The following SLCO1B1 variants were observed in gnomAD, a reference collection of about 807,000 sequenced individuals.
The protein encoded by SLCO1B1 is OATP-2.
A neutral mutation model predicts 70.1 loss-of-function variants in SLCO1B1; 81 were observed. The observed-to-expected ratio is 1.16, with a 90% CI of 0.97 to 1.39. SLCO1B1 has a LOEUF of 1.39. Among genes scored for constraint, SLCO1B1 ranks in the 40% most tolerant of loss-of-function variants. The probability of loss-of-function intolerance (pLI) is 0.00; values close to 1 mark genes in which losing one functional copy is unlikely to be tolerated. For missense variants in SLCO1B1, 895 were observed against 799.6 expected, an observed-to-expected ratio of 1.12 and a Z score of -1.44; for synonymous variants, 283 against 271.5, an observed-to-expected ratio of 1.04 and a Z score of -0.42.
rs1941432295 is a variant in SLCO1B1 at position 21,222,366 on chromosome 12, T to G, written c.1747+2T>G. 1 of 626,526 alleles carries G rather than the reference T, an allele frequency of 1.6e-6. No individual in the cohort carries two copies. Among genetic ancestry groups the G allele is most frequent in the Non-Finnish European group, 2.2e-6 (1 of 461,224 alleles). The allele number at this position is 626,526 out of a possible 1,614,324, so 38.8% of individuals were successfully genotyped here. ...ACTCAATGGTTATACGAGCACTAGG[T>G]ATGATGAAAAAAAAAAAAAAAAAAA... On this transcript the variant is annotated splice_donor_variant, in intron 13 of 14. Transcript: ENST00000256958. LOFTEE classifies it high-confidence loss of function.
chr12:21,155,268 C>T (rs969556766), intron 2 of SLCO1B1, among the ~76,000 whole-genome samples: 5 of 151,746 alleles, frequency 3.3e-5, no homozygotes, highest in East Asian at 1.9e-4. Flanking sequence ...CCTATATATG[C>T]TTTCAATGTT....
At chr12:21,206,829 A>T (rs546495076) in intron 11 of SLCO1B1, among the ~76,000 whole-genome samples, 8 of 152,072 alleles carry the variant, frequency 5.3e-5, no homozygotes, top group Non-Finnish European at 7.4e-5. Context: ...TATTACCAAC[A>T]TTACTAAAAC....
rs1940798292 is a variant in SLCO1B1 at position 21,174,715 on chromosome 12, T to C, written c.359+6T>C. ...CCACATTTCTTCATGGGATAGTAAG[T>C]GTTAAAAAAAAAAAAAACCTCTGTG... On this transcript the variant is annotated splice_donor_region_variant and intron_variant, in intron 4 of 14. Coordinates refer to ENST00000256958, the MANE Select transcript of SLCO1B1 (RefSeq NM_006446.5). The C allele has an allele frequency of 2.6e-6, 4 of 1,566,984 alleles. No individual in the cohort carries two copies. Among genetic ancestry groups the C allele is most frequent in the Non-Finnish European group, 2.6e-6 (3 of 1,159,662 alleles).
Position 21,137,519 on chromosome 12 carries a change from A to G in SLCO1B1, c.-61-3995A>G, listed in dbSNP as rs191498111. Among the ~76,000 whole-genome samples, 477 of 151,820 alleles carry G rather than the reference A, an allele frequency of 3.1e-3. 3 individuals carry two copies. Among genetic ancestry groups the G allele is most frequent in the African/African-American group, 0.011 (455 of 41,460 alleles). On this transcript the variant is annotated intron_variant, in intron 1 of 14. Transcript: ENST00000256958. ...CCAGCCGCTTTGTTTACCTAATCAA[A>G]CAACTAACTCAGCAATGGTGGCCGC...
Position 21,238,969 on chromosome 12 carries a change from A to C in SLCO1B1, c.1866-10A>C. On this transcript the variant is annotated splice_polypyrimidine_tract_variant and intron_variant, in intron 14 of 14. Transcript: ENST00000256958. ...ACTGATTTATTGTTTTATTTTCTCT[A>C]TTTCTACAGAAGGGTCTACTTGGGC... is the stretch of plus-strand genomic sequence containing the variant. The C allele has an allele frequency of 6.7e-7, 1 of 1,494,528 alleles. No individual in the cohort carries two copies. The highest frequency in any genetic ancestry group is 9.3e-7 in the Non-Finnish European group (1 of 1,077,598). The allele number at this position is 1,494,528 out of a possible 1,614,324, so 92.6% of individuals were successfully genotyped here.
rs1380476491 is a variant in SLCO1B1, at chr12:21,209,125, G to A, written c.1497+3092G>A. 2.0e-5 allele frequency among the ~76,000 whole-genome samples: 3 copies of A among 151,728 alleles called. No homozygotes were observed. The East Asian group carries it at 5.8e-4, about 29-fold the overall frequency. On this transcript the variant is annotated intron_variant, in intron 11 of 14. Transcript: ENST00000256958. ...CACATTGTGCAGGTTAGTTACATAT[G>A]TATACATGTGCCATGCTGGTGCACT...
chr12:21,226,178 G>C (rs1941480498), intron 14 of SLCO1B1, among the ~76,000 whole-genome samples: 1 of 152,090 alleles, frequency 6.6e-6, no homozygotes. Context: ...ACTTTGGGAG[G>C]CCAAGGTGGG....
At chr12:21,142,070 TA>T (rs4149093) in intron 2 of SLCO1B1, among the ~76,000 whole-genome samples, 79 of 147,536 alleles carry the variant, frequency 5.4e-4, no homozygotes, top group African/African-American at 1.4e-3. Context: ...AAAATTCTTT[TA>T]AAAAAAAAAA....
chr12:21,217,193 C>A lies in SLCO1B1; in HGVS notation c.1572C>A (p.Cys524Ter). The A allele has an allele frequency of 6.2e-7, 1 of 1,613,636 alleles. No individual in the cohort carries two copies. Among genetic ancestry groups the A allele is most frequent in the South Asian group, 1.1e-5 (1 of 91,076 alleles). ...NRNYSAHLGE[C>*]PRDDACTRKF... ...ATTACTCAGCCCATTTGGGTGAATG[C>A]CCAAGAGATGATGCTTGTACAAGGA... Residue 524 changes from cysteine (C) to a stop codon, truncating the protein, a stop_gained, in exon 12 of 15, where the codon TGC becomes TGA. Coordinates refer to ENST00000256958, the MANE Select transcript of SLCO1B1 (RefSeq NM_006446.5). LOFTEE classifies it high-confidence loss of function.
At chr12:21,194,367 G>A (rs1238714248) in intron 7 of SLCO1B1, among the ~76,000 whole-genome samples, 1 of 151,982 alleles carries the variant, frequency 6.6e-6, no homozygotes, top group African/African-American at 2.4e-5. Flanking sequence ...TGATTTTAGA[G>A]CCACACTTCC....
At chr12:21,179,861 A>T (rs1212155678) in intron 7 of SLCO1B1, among the ~76,000 whole-genome samples, 1 of 151,922 alleles carries the variant, frequency 6.6e-6, no homozygotes, top group African/African-American at 2.4e-5. Flanking sequence ...AGTTTTTTAT[A>T]CCCCCACACA....
Position 21,178,560 on chromosome 12 carries a change from T to C in SLCO1B1, c.482-16T>C. The C allele has an allele frequency of 6.4e-7, 1 of 1,565,548 alleles. No individual in the cohort carries two copies. Among genetic ancestry groups the C allele is most frequent in the Non-Finnish European group, 8.8e-7 (1 of 1,138,112 alleles). ...AAAATTAATGTTTAAAATGAAACACTCTCTTATCTACATAGGTTGTTTAAA... is the reference window on the plus strand; with the variant it reads ...AAAATTAATGTTTAAAATGAAACACCCTCTTATCTACATAGGTTGTTTAAA... On this transcript the variant is annotated splice_polypyrimidine_tract_variant and intron_variant, in intron 5 of 14. Coordinates refer to ENST00000256958, the MANE Select transcript of SLCO1B1 (RefSeq NM_006446.5).
chr12:21,227,824 A>C (rs1297760903), intron 14 of SLCO1B1, among the ~76,000 whole-genome samples: 1 of 152,106 alleles, frequency 6.6e-6, no homozygotes, highest in Non-Finnish European at 1.5e-5. Context: ...TTTAAGCCAT[A>C]CTAGTTCCTT....
At chr12:21,213,305 A>G (rs1326260408) in intron 11 of SLCO1B1, among the ~76,000 whole-genome samples, 4 of 151,714 alleles carry the variant, frequency 2.6e-5, no homozygotes, top group African/African-American at 9.7e-5. Flanking sequence ...AAAGTATTTT[A>G]TTTCTCCTTC....
Position 21,213,425 on chromosome 12 carries a change from G to A in SLCO1B1, c.1498-3694G>A, listed in dbSNP as rs867179228. Among the ~76,000 whole-genome samples the A allele has an allele frequency of 2.7e-3, 412 of 151,444 alleles. 1 individual carries two copies. The highest frequency in any genetic ancestry group is 9.0e-3 in the African/African-American group (369 of 41,184). Reference sequence around the variant, plus strand: ...TCTTCTGGCTTATAGGGTTTCTGCCGAGAGATCCGCTGTTAGTCTGATGGG... The same window carrying A: ...TCTTCTGGCTTATAGGGTTTCTGCCAAGAGATCCGCTGTTAGTCTGATGGG... On this transcript the variant is annotated intron_variant, in intron 11 of 14. Transcript: ENST00000256958.
At chr12:21,150,933 G>C (rs367606529) in intron 2 of SLCO1B1, among the ~76,000 whole-genome samples, 1 of 152,106 alleles carries the variant, frequency 6.6e-6, no homozygotes, top group African/African-American at 2.4e-5. Flanking sequence ...GATCATTTGC[G>C]TTAAAAGTGA....
At chr12:21,222,397 A>AATATATATATATAT (rs751514211) in intron 13 of SLCO1B1, 33 bp downstream of exon 13, 92 of 97,708 alleles carry the variant, frequency 9.4e-4, no homozygotes, top group Non-Finnish European at 1.3e-3. Flanking sequence ...AAAAAAAAAA[A>AATATATATATATAT]ATATATATAT....
chr12:21,199,999 C>T (rs948833864), intron 8 of SLCO1B1, among the ~76,000 whole-genome samples: 6 of 152,074 alleles, frequency 3.9e-5, no homozygotes, highest in African/African-American at 1.2e-4. Flanking sequence ...TGGGGTTTCA[C>T]CATGTTGGCC....
At chr12:21,213,129 C>T (rs1025378760) in intron 11 of SLCO1B1, among the ~76,000 whole-genome samples, 18 of 151,740 alleles carry the variant, frequency 1.2e-4, no homozygotes, top group African/African-American at 4.4e-4. Flanking sequence ...GGTTATTTTG[C>T]TCTTTAGTTG....
Sources: allele counts gnomAD v4.1 joint callset (sites outside exome capture counted in the v4.1 genomes callset), GRCh38; gene constraint gnomAD v4.1.1; transcripts MANE v1.5; gene names NCBI Gene and HGNC (gene_info 2026-07-23, HGNC 2026-07-21).